Variants in OPA1 observed in about 807,000 individuals in gnomAD.
OPA1 encodes the protein OPA1 mitochondrial dynamin like GTPase.
Under a neutral mutation model 152.9 loss-of-function variants are expected in OPA1, and 59 were observed. The ratio of observed to expected loss-of-function variants is 0.39; its 90% CI spans 0.31 to 0.48. The LOEUF is 0.48. OPA1 is among the 20% of genes least tolerant of loss of function. The probability of loss-of-function intolerance (pLI) is 0.96; values close to 1 mark genes in which losing one functional copy is unlikely to be tolerated. For missense variants in OPA1, 1,008 were observed against 1,216.8 expected (o/e 0.83, Z 2.55); for synonymous variants, 400 against 389.9 (o/e 1.03, Z -0.31).
chr3:193,660,212 A>G (rs773262368), intron 25 of OPA1, among the ~76,000 whole-genome samples: 5 of 152,178 alleles, frequency 3.3e-5, no homozygotes, highest in South Asian at 4.1e-4. Context: ...TATATCTACC[A>G]TTAAAGTCCC....
At chr3:193,686,481 A>G (rs1029628345) in intron 29 of OPA1, among the ~76,000 whole-genome samples, 1 of 152,200 alleles carries the variant, frequency 6.6e-6, no homozygotes, top group South Asian at 2.1e-4. Flanking sequence ...ATTTAATCAT[A>G]TTCCTTCATC....
intron 23 of OPA1, among the ~76,000 whole-genome samples, chr3:193,658,141 A>C (rs1714322777): frequency 6.6e-6 from 1 of 151,086 alleles, no homozygotes; most frequent in Non-Finnish European, 1.5e-5. Context: ...GCTACTCGGG[A>C]GGCTGAGGCA....
chr3:193,673,945 T>C (rs1718458263), intron 29 of OPA1, among the ~76,000 whole-genome samples: 1 of 152,256 alleles, frequency 6.6e-6, no homozygotes, highest in Admixed American at 6.5e-5. Flanking sequence ...CAGCTTTTTT[T>C]CCTCTCACAG....
At position 193,637,285 on chromosome 3, in the gene OPA1, T is replaced by C. The variant is rs166850; in HGVS notation, c.1035+4T>C. On this transcript the variant is annotated splice_donor_region_variant and intron_variant, in intron 10 of 30. Coordinates refer to ENST00000361510, the MANE Select transcript of OPA1 (RefSeq NM_130837.3). ...TACGCAAGATCATCTGCCACGGGTATGTGAAAAATTGATAGTGAACTTGCC... is the reference window on the plus strand; with the variant it reads ...TACGCAAGATCATCTGCCACGGGTACGTGAAAAATTGATAGTGAACTTGCC... 1,348,792 of 1,591,702 alleles carry C rather than the reference T, an allele frequency of 0.85. 573,156 individuals are homozygous for C. Among genetic ancestry groups the C allele is most frequent in the East Asian group, 0.97 (43,237 of 44,516 alleles).
rs1357481325 is a variant in OPA1, at chr3:193,690,278, C to T, written c.2984-1785C>T. Among the ~76,000 whole-genome samples the T allele has an allele frequency of 8.0e-5, 12 of 149,402 alleles. No homozygotes were observed. In the Admixed American group the frequency reaches 8.1e-4, roughly 10 times the overall value. Reference sequence around the variant, plus strand: ...TAACTATTATCATATTTTCTCAATACATAGCTTGATTAAAACAACTGGACT... The same window carrying T: ...TAACTATTATCATATTTTCTCAATATATAGCTTGATTAAAACAACTGGACT... On this transcript the variant is annotated intron_variant, in intron 29 of 30. Coordinates refer to ENST00000361510, the MANE Select transcript of OPA1 (RefSeq NM_130837.3).
At chr3:193,690,377 T>C (rs1721517949) in intron 29 of OPA1, among the ~76,000 whole-genome samples, 1 of 128,142 alleles carries the variant, frequency 7.8e-6, no homozygotes, top group South Asian at 2.6e-4. Context: ...AAGAAGTGCT[T>C]CAGCCAGGCA....
chr3:193,602,890 T>G (rs956544381), intron 1 of OPA1, among the ~76,000 whole-genome samples: 2 of 152,232 alleles, frequency 1.3e-5, no homozygotes, highest in African/African-American at 4.8e-5. Flanking sequence ...CAGCATCAGC[T>G]TTCCTACATG....
chr3:193,656,502 T>C (rs1410697357), intron 22 of OPA1, among the ~76,000 whole-genome samples: 3 of 152,222 alleles, frequency 2.0e-5, no homozygotes, highest in Admixed American at 6.5e-5. Flanking sequence ...CTGAATACTC[T>C]TCGGCTATGT....
At chr3:193,643,870 ATCTT>A in intron 15 of OPA1, 101 bp from the exon 16 acceptor site, 1 of 1,240,412 alleles carries the variant, frequency 8.1e-7, no homozygotes. Context: ...ATGTATTAAA[ATCTT>A]TCTTGCTATA....
chr3:193,600,483 T>C (rs1213642146), intron 1 of OPA1, among the ~76,000 whole-genome samples: 6 of 152,200 alleles, frequency 3.9e-5, no homozygotes, highest in Non-Finnish European at 5.9e-5. Flanking sequence ...ACTATTATTA[T>C]GACTGTTAAG....
At chr3:193,607,249 G>A (rs1227090409) in intron 1 of OPA1, among the ~76,000 whole-genome samples, 2 of 152,174 alleles carry the variant, frequency 1.3e-5, no homozygotes, top group Non-Finnish European at 2.9e-5. Context: ...TTCTTTTGCT[G>A]TGCAGAAGCT....
intron 26 of OPA1, among the ~76,000 whole-genome samples, chr3:193,663,890 A>G (rs558876125): frequency 6.6e-6 from 1 of 152,282 alleles, no homozygotes; most frequent in Admixed American, 6.5e-5. Flanking sequence ...TTTGAGTTGA[A>G]TGTGGATTTA....
chr3:193,659,005 G>A lies in OPA1; in HGVS notation c.2440+10G>A. ...GCTCGTCTCAAGGATAGTAAGTGGA[G>A]ACACGGCTTATTGAGTTCTGAGTTC... is the stretch of plus-strand genomic sequence containing the variant. On this transcript the variant is annotated intron_variant, in intron 24 of 30. Coordinates refer to ENST00000361510, the MANE Select transcript of OPA1 (RefSeq NM_130837.3). 6.4e-7 allele frequency: 1 copy of A among 1,574,598 alleles called. No homozygotes were observed. The highest frequency in any genetic ancestry group is 8.7e-7 in the Non-Finnish European group (1 of 1,144,060).
chr3:193,668,096 A>G (rs564627430), intron 29 of OPA1, among the ~76,000 whole-genome samples: 109 of 152,264 alleles, frequency 7.2e-4, no homozygotes, highest in Non-Finnish European at 1.3e-3. Context: ...TTCCTAAATC[A>G]TGTGTATATT....
intron 29 of OPA1, among the ~76,000 whole-genome samples, chr3:193,686,133 A>G (rs1720909797): frequency 6.6e-6 from 1 of 152,248 alleles, no homozygotes; most frequent in African/African-American, 2.4e-5. Context: ...GTGCAGTTAC[A>G]TTCTTCTCGT....
chr3:193,647,737 A>G (rs1186924137), intron 19 of OPA1, among the ~76,000 whole-genome samples: 1 of 152,166 alleles, frequency 6.6e-6, no homozygotes, highest in Non-Finnish European at 1.5e-5. Context: ...AACTTATCCT[A>G]TTACCCAGTG....
At chr3:193,671,283 CAAG>C (rs1303445313) in intron 29 of OPA1, among the ~76,000 whole-genome samples, 2 of 152,070 alleles carry the variant, frequency 1.3e-5, no homozygotes, top group African/African-American at 2.4e-5. Flanking sequence ...CTCTAAAATG[CAAG>C]AAGACTCCTG....
At chr3:193,611,513 C>T (rs1358131282) in intron 1 of OPA1, among the ~76,000 whole-genome samples, 1 of 149,462 alleles carries the variant, frequency 6.7e-6, no homozygotes, top group Non-Finnish European at 1.5e-5. Flanking sequence ...AAGAGAATTG[C>T]TTGAACCTGG....
intron 22 of OPA1, 62 bp from the exon 23 acceptor site, chr3:193,657,018 T>G: frequency 7.0e-7 from 1 of 1,425,228 alleles, no homozygotes; most frequent in Non-Finnish European, 9.6e-7. Flanking sequence ...CGTGTTATTT[T>G]TCATGTTAAC....
Sources: gnomAD v4.1 joint callset for allele counts (sites outside exome capture counted in the v4.1 genomes callset) on GRCh38, gnomAD v4.1.1 for gene constraint, MANE v1.5 for transcripts, NCBI Gene and HGNC (gene_info 2026-07-23, HGNC 2026-07-21) for gene names.